Variants in DLG2 observed in about 807,000 individuals in gnomAD.
DLG2 encodes disks large homolog 2.
DLG2 carries 45 observed loss-of-function variants against 132.5 expected under a neutral mutation model. The observed-to-expected ratio is 0.34, with a 90% confidence interval of 0.27 to 0.44. The LOEUF (loss-of-function observed/expected upper bound fraction) is 0.44. Among genes scored for constraint, DLG2 ranks in the 20% least tolerant of loss-of-function variants. The probability of loss-of-function intolerance (pLI) is 1.00; values close to 1 mark genes in which losing one functional copy is unlikely to be tolerated. For missense variants in DLG2, 1,045 were observed against 1,196.9 expected (o/e 0.87, Z 1.87); for synonymous variants, 424 against 419.6 (o/e 1.01, Z -0.13).
intron 4 of DLG2, among the ~76,000 whole-genome samples, chr11:85,166,437 T>G (rs2078454983): frequency 6.6e-6 from 1 of 152,124 alleles, no homozygotes; most frequent in African/African-American, 2.4e-5. Flanking sequence ...AGAACCCAAT[T>G]TGGCTACCTG....
At chr11:83,945,934 G>A (rs543380119) in intron 14 of DLG2, among the ~76,000 whole-genome samples, 9 of 136,060 alleles carry the variant, frequency 6.6e-5, no homozygotes, top group Admixed American at 3.0e-4. Flanking sequence ...CCTTCCTTCC[G>A]TCCTTCCTTC....
intron 8 of DLG2, among the ~76,000 whole-genome samples, chr11:84,241,857 G>A (rs1477162204): frequency 6.6e-6 from 1 of 152,084 alleles, no homozygotes; most frequent in African/African-American, 2.4e-5. Flanking sequence ...AAATTTTTTG[G>A]TTCCACTCTC....
intron 5 of DLG2, among the ~76,000 whole-genome samples, chr11:85,136,633 C>A (rs1008477761): frequency 6.6e-6 from 1 of 152,168 alleles, no homozygotes; most frequent in African/African-American, 2.4e-5. Context: ...CTTAGTAAAA[C>A]CTATCATTGA....
chr11:83,960,582 AGGGG>A (rs1180760127), intron 14 of DLG2, among the ~76,000 whole-genome samples: 1 of 151,888 alleles, frequency 6.6e-6, no homozygotes, highest in Non-Finnish European at 1.5e-5. Context: ...AACTTCATGG[AGGGG>A]GTTCTGCATA....
chr11:83,881,509 T>C (rs1427942940), intron 15 of DLG2, among the ~76,000 whole-genome samples: 1 of 152,202 alleles, frequency 6.6e-6, no homozygotes, highest in Non-Finnish European at 1.5e-5. Flanking sequence ...CTTTATATCA[T>C]CAAATTTTAC....
chr11:85,290,023 T>C (rs1331794898), intron 3 of DLG2, among the ~76,000 whole-genome samples: 1 of 152,156 alleles, frequency 6.6e-6, no homozygotes, highest in Non-Finnish European at 1.5e-5. Flanking sequence ...TATCCAGCCA[T>C]ATATTCTCTA....
intron 4 of DLG2, among the ~76,000 whole-genome samples, chr11:85,231,134 C>A (rs1194755179): frequency 6.6e-6 from 1 of 151,838 alleles, no homozygotes; most frequent in African/African-American, 2.4e-5. Flanking sequence ...TATTATTTCA[C>A]CAAAAAAAAT....
intron 3 of DLG2, among the ~76,000 whole-genome samples, chr11:85,495,681 T>G (rs1005341512): frequency 1.3e-5 from 2 of 152,148 alleles, no homozygotes; most frequent in African/African-American, 4.8e-5. Flanking sequence ...ACACTGTTGG[T>G]GGGAGTATCA....
chr11:85,107,022 G>T (rs1457445681), intron 6 of DLG2, among the ~76,000 whole-genome samples: 2 of 151,902 alleles, frequency 1.3e-5, no homozygotes, highest in African/African-American at 4.8e-5. Context: ...GTTAAAATAC[G>T]TGTTCAGTAA....
chr11:85,063,072 T>A (rs1593449162), intron 6 of DLG2, among the ~76,000 whole-genome samples: 1 of 151,840 alleles, frequency 6.6e-6, no homozygotes. Context: ...GATTTTGTAG[T>A]GGGTACTGAG....
chr11:84,827,139 G>T (rs2078426653), intron 6 of DLG2, among the ~76,000 whole-genome samples: 1 of 151,768 alleles, frequency 6.6e-6, no homozygotes, highest in African/African-American at 2.4e-5. Context: ...AAATGGAAAT[G>T]ATCATACAAG....
intron 4 of DLG2, among the ~76,000 whole-genome samples, chr11:85,170,525 G>A (rs1206115153): frequency 6.6e-6 from 1 of 152,068 alleles, no homozygotes; most frequent in Non-Finnish European, 1.5e-5. Flanking sequence ...AAGAAACTCT[G>A]AGCCCCTTAC....
intron 7 of DLG2, among the ~76,000 whole-genome samples, chr11:84,293,163 G>A (rs1361699229): frequency 1.3e-5 from 2 of 151,838 alleles, no homozygotes; most frequent in Non-Finnish European, 2.9e-5. Flanking sequence ...GGTGTGGGGC[G>A]GGTGGTGTGT....
intron 20 of DLG2, among the ~76,000 whole-genome samples, chr11:83,535,107 T>C (rs187227789): frequency 6.6e-6 from 1 of 152,352 alleles, no homozygotes; most frequent in East Asian, 1.9e-4. Flanking sequence ...AATGCCTCCT[T>C]TGAGCTTCAT....
At chr11:84,517,764 G>A (rs529928082) in intron 7 of DLG2, among the ~76,000 whole-genome samples, 5 of 151,930 alleles carry the variant, frequency 3.3e-5, no homozygotes, top group Admixed American at 1.3e-4. Flanking sequence ...TTCATCAATG[G>A]ATGAACGGAT....
chr11:83,851,113 C>T (rs1053592439), intron 16 of DLG2, among the ~76,000 whole-genome samples: 2 of 149,210 alleles, frequency 1.3e-5, no homozygotes, highest in Admixed American at 6.7e-5. Context: ...GGAGGTGGAG[C>T]TTGCAGTGAG....
At chr11:84,410,069 G>C (rs963882032) in intron 7 of DLG2, among the ~76,000 whole-genome samples, 9 of 152,172 alleles carry the variant, frequency 5.9e-5, no homozygotes, top group Admixed American at 2.6e-4. Context: ...GTAACTCCTA[G>C]GCAAGAAGAG....
At chr11:83,534,219 C>T (rs2095828951) in intron 20 of DLG2, among the ~76,000 whole-genome samples, 1 of 152,184 alleles carries the variant, frequency 6.6e-6, no homozygotes, top group South Asian at 2.1e-4. Flanking sequence ...ATTTGCACTG[C>T]ATATACAGGG....
intron 20 of DLG2, among the ~76,000 whole-genome samples, chr11:83,536,895 G>A (rs993844447): frequency 2.0e-5 from 3 of 152,206 alleles, no homozygotes; most frequent in Middle Eastern, 6.8e-3. Flanking sequence ...TAAGAATCTA[G>A]GTAAAAGTCT....
Sources: gnomAD v4.1 joint callset for allele counts (sites outside exome capture counted in the v4.1 genomes callset) on GRCh38, gnomAD v4.1.1 for gene constraint, MANE v1.5 for transcripts, NCBI Gene and HGNC (gene_info 2026-07-23, HGNC 2026-07-21) for gene names.